The following ALG8 variants were observed in gnomAD, a reference collection of about 807,000 sequenced individuals.
ALG8 encodes the protein dolichyl pyrophosphate Glc1Man9GlcNAc2 alpha-1,3-glucosyltransferase.
Under a neutral mutation model 70.2 loss-of-function variants are expected in ALG8, and 48 were observed. That is an observed-to-expected ratio of 0.68 (90% CI 0.54 to 0.87). The LOEUF is 0.87. ALG8 is among the 40% of genes least tolerant of loss of function. The pLI, the probability that ALG8 is intolerant of heterozygous loss-of-function variation, is 0.00. For synonymous variants in ALG8, 234 were observed against 229.0 expected, an observed-to-expected ratio of 1.02 and a Z score of -0.20; for missense variants, 572 against 608.7, an observed-to-expected ratio of 0.94 and a Z score of 0.64.
intron 5 of ALG8, among the ~76,000 whole-genome samples, chr11:78,116,910 T>C (rs516971): frequency 0.66 from 100,717 of 151,990 alleles, 34,221 homozygotes; most frequent in African/African-American, 0.82. Context: ...GGAATGCTTC[T>C]AGGTCTCTCT....
At chr11:78,130,985 C>G (rs1291514512) in intron 1 of ALG8, among the ~76,000 whole-genome samples, 1 of 152,040 alleles carries the variant, frequency 6.6e-6, no homozygotes, top group African/African-American at 2.4e-5. Context: ...AGCATCTGTT[C>G]TTGTTTTATA....
chr11:78,107,454 C>T (rs938933854), intron 9 of ALG8, among the ~76,000 whole-genome samples: 16 of 148,880 alleles, frequency 1.1e-4, no homozygotes, highest in African/African-American at 3.4e-4. Context: ...ATCCTGACCT[C>T]GTGATCTGCC....
rs1218147551 is a variant in ALG8 at position 78,101,114 on chromosome 11, T to A, written c.1431A>T (p.Val477=). 1 of 1,614,048 alleles carries A rather than the reference T, an allele frequency of 6.2e-7. No individual in the cohort carries two copies. Among genetic ancestry groups the A allele is most frequent in the Non-Finnish European group, 8.5e-7 (1 of 1,180,030 alleles). The part of the protein sequence containing the change: ...LGPLEVCCEF[V]FPFTSWKVKY... ...TCACCTTCCAGGAGGTGAAAGGGAA[T>A]ACAAATTCACAGCAGACTTCCAGAG... Residue 477 remains valine, a synonymous_variant, in exon 13 of 13, where the codon GTA becomes GTT. Transcript: ENST00000299626.
chr11:78,103,954 A>G (rs745823365), intron 12 of ALG8, 26 bp downstream of exon 12: 1 of 1,287,780 alleles, frequency 7.8e-7, no homozygotes, highest in East Asian at 2.3e-5. Flanking sequence ...AAGAGTAAGT[A>G]TAATTTTAAA....
At chr11:78,133,242 G>T (rs1041683263) in intron 1 of ALG8, among the ~76,000 whole-genome samples, 4 of 152,094 alleles carry the variant, frequency 2.6e-5, no homozygotes, top group African/African-American at 7.2e-5. Flanking sequence ...ACAGGGCTAG[G>T]GATCATATCT....
At chr11:78,130,361 A>AAAAAAAAAAAAAAAAAAAAAGAAAG (rs928560857) in intron 1 of ALG8, among the ~76,000 whole-genome samples, 1 of 132,636 alleles carries the variant, frequency 7.5e-6, no homozygotes, top group Non-Finnish European at 1.6e-5. Flanking sequence ...AAAAAAAAAA[A>AAAAAAAAAAAAAAAAAAAAAGAAAG]AAAAAAGGTG....
At chr11:78,136,344 T>C (rs1861550895) in intron 1 of ALG8, among the ~76,000 whole-genome samples, 2 of 149,518 alleles carry the variant, frequency 1.3e-5, no homozygotes, top group Admixed American at 6.7e-5. Context: ...CACACACATA[T>C]AGATAGATAG....
chr11:78,113,468 G>A (rs938732986), intron 7 of ALG8, among the ~76,000 whole-genome samples: 4 of 151,978 alleles, frequency 2.6e-5, no homozygotes, highest in South Asian at 2.1e-4. Context: ...ATCCCAGCAC[G>A]TTGGGAGGCT....
intron 1 of ALG8, among the ~76,000 whole-genome samples, chr11:78,130,728 T>C (rs1259514190): frequency 6.6e-6 from 1 of 152,194 alleles, no homozygotes; most frequent in African/African-American, 2.4e-5. Context: ...AATGTCTTCA[T>C]GAGGGTCTTT....
Position 78,112,737 on chromosome 11 carries a change from G to T in ALG8, c.811C>A (p.Pro271Thr), listed in dbSNP as rs780786874. The part of the protein sequence containing the change: ...QLPQVFSRLF[P>T]FKRGLCHAYW... The stretch of plus-strand genomic sequence containing the variant: ...GCATGACAGAGGCCCCTCTTGAAAG[G>T]AAAGAGTCGGGAAAAGACTTGAGGC... The change falls in exon 8 of 13, where the codon CCT becomes ACT. Residue 271 changes from proline (P) to threonine (T), a missense_variant. Transcript: ENST00000299626. 2.5e-6 allele frequency: 4 copies of T among 1,613,992 alleles called. No individual in the cohort carries two copies. The highest frequency in any genetic ancestry group is 1.7e-5 in the Admixed American group (1 of 60,002).
At chr11:78,116,251 C>A (rs1860560152) in intron 5 of ALG8, among the ~76,000 whole-genome samples, 1 of 152,022 alleles carries the variant, frequency 6.6e-6, no homozygotes. Context: ...ATCCCAGCTA[C>A]TTGGGAGGCT....
At chr11:78,127,474 C>T (rs1861130727) in intron 1 of ALG8, 38 bp from the exon 2 acceptor site, 1 of 1,540,642 alleles carries the variant, frequency 6.5e-7, no homozygotes, top group Non-Finnish European at 9.0e-7. Flanking sequence ...TGAGATTTTG[C>T]AATATTTATC....
rs765568507 is a variant in ALG8, at chr11:78,103,277, T to C, written c.1349+703A>G. The C allele has an allele frequency of 2.0e-5, 3 of 152,226 alleles. No individual in the cohort carries two copies. In the East Asian group the frequency reaches 5.8e-4, roughly 29 times the overall value. 9.4% of individuals were successfully genotyped at this position (152,226 alleles called of 1,614,324 possible). On this transcript the variant is annotated intron_variant, in intron 12 of 12. Coordinates refer to ENST00000299626, the MANE Select transcript of ALG8 (RefSeq NM_024079.5). The stretch of plus-strand genomic sequence containing the variant: ...GAGCTCGAGAGCAGCCTGGCCAACA[T>C]GGTGAAACCCCACCTCTACTAAAAA...
chr11:78,119,191 T>A lies in ALG8; in HGVS notation c.537A>T (p.Arg179=). The A allele has an allele frequency of 6.2e-7, 1 of 1,606,934 alleles. No individual in the cohort carries two copies. ...AAACAATTATGTTTACCTGAAATAATCGTGCAATGGAGAGTAGCATTAATC... is the reference window on the plus strand; with the variant it reads ...AAACAATTATGTTTACCTGAAATAAACGTGCAATGGAGAGTAGCATTAATC... ...LFGLMLLSIA[R]LFQKRHMEGA... Residue 179 remains arginine, a synonymous_variant, in exon 5 of 13, where the codon CGA becomes CGT. Coordinates refer to ENST00000299626, the MANE Select transcript of ALG8 (RefSeq NM_024079.5).
intron 8 of ALG8, among the ~76,000 whole-genome samples, chr11:78,111,489 G>A (rs1165060805): frequency 6.6e-6 from 1 of 152,218 alleles, no homozygotes; most frequent in Non-Finnish European, 1.5e-5. Flanking sequence ...TCCAAACCAA[G>A]TCATCAGACT....
intron 7 of ALG8, among the ~76,000 whole-genome samples, chr11:78,113,050 A>T (rs1860377625): frequency 1.3e-5 from 2 of 152,234 alleles, no homozygotes. Flanking sequence ...AGCAGAACAC[A>T]GACTGCAGCT....
chr11:78,119,080 A>C (rs1860707093), intron 5 of ALG8, 102 bp downstream of exon 5: 2 of 894,742 alleles, frequency 2.2e-6, no homozygotes, highest in African/African-American at 3.3e-5. Flanking sequence ...TTGGCAGCTC[A>C]AAACAGTCAA....
At chr11:78,112,824 CAA>C (rs2136899887) in intron 7 of ALG8, 54 bp from the exon 8 acceptor site, 2 of 1,595,150 alleles carry the variant, frequency 1.3e-6, no homozygotes, top group South Asian at 2.2e-5. Flanking sequence ...TTTTCAAATT[CAA>C]AAAGAGAACT....
chr11:78,135,415 T>C (rs1861499192), intron 1 of ALG8: 1 of 150,678 alleles, frequency 6.6e-6, no homozygotes, highest in African/African-American at 2.4e-5. Context: ...TCAGCAGGCA[T>C]GAAAACAACA....
Sources: allele counts gnomAD v4.1 joint callset (sites outside exome capture counted in the v4.1 genomes callset), GRCh38; gene constraint gnomAD v4.1.1; transcripts MANE v1.5; gene names NCBI Gene and HGNC (gene_info 2026-07-23, HGNC 2026-07-21).